GLMN: variants seen among roughly 807,000 people sequenced by gnomAD.
GLMN encodes the protein glomulin.
A neutral mutation model predicts 87.8 loss-of-function variants in GLMN; 75 were observed. The ratio of observed to expected loss-of-function variants is 0.85; its 90% CI spans 0.71 to 1.04. The LOEUF (loss-of-function observed/expected upper bound fraction) is 1.04, where lower values mean the gene tolerates loss of function less well. GLMN is among the 50% of genes least tolerant of loss of function. The pLI is 0.00. For synonymous variants in GLMN, 206 were observed against 221.6 expected, an observed-to-expected ratio of 0.93 and a Z score of 0.63; for missense variants, 588 against 658.8, an observed-to-expected ratio of 0.89 and a Z score of 1.18.
In GLMN at chr1:92,286,510, A is replaced by C; in HGVS notation, c.715T>G (p.Tyr239Asp). ...CTTACTATTATTTCTGATGCAAAAT[A>C]CCTGAAAGGATCATTTCCACCTTCT... ...SEEGGNDPFR[Y>D]FASEIIGFLS... is the part of the protein sequence containing the mutation. Residue 239 changes from tyrosine (Y) to aspartate (D), a missense_variant, in exon 7 of 19, where the codon TAT becomes GAT. Tyr to Asp is a radical substitution (Grantham distance 160). Coordinates refer to ENST00000370360, the MANE Select transcript of GLMN (RefSeq NM_053274.3). The C allele has an allele frequency of 6.4e-7, 1 of 1,560,114 alleles. No homozygotes were observed. Among genetic ancestry groups the C allele is most frequent in the Non-Finnish European group, 8.8e-7 (1 of 1,130,906 alleles).
intron 9 of GLMN, 123 bp downstream of exon 9, chr1:92,269,600 G>T: frequency 1.4e-6 from 1 of 727,438 alleles, no homozygotes; most frequent in Non-Finnish European, 2.5e-6. Context: ...TTGCCTCGCT[G>T]TTTTATAAAA....
At chr1:92,350,358 ATAAT>A in the GLMN span, among the ~76,000 whole-genome samples, 1 of 152,206 alleles carries the variant, frequency 6.6e-6, no homozygotes, top group East Asian at 1.9e-4. Flanking sequence ...TATAACAGTG[ATAAT>A]TGATTGACTT....
intron 9 of GLMN, 23 bp from the exon 10 acceptor site, chr1:92,268,158 A>G: frequency 8.1e-7 from 1 of 1,229,150 alleles, no homozygotes; most frequent in South Asian, 1.2e-5. Context: ...ATTAAAATTT[A>G]TCATGAATTT....
chr1:92,316,791 A>G, the GLMN span, among the ~76,000 whole-genome samples: 3 of 152,204 alleles, frequency 2.0e-5, no homozygotes, highest in African/African-American at 7.2e-5. Flanking sequence ...AGAAAGAGCA[A>G]TGTAACTTGG....
chr1:92,298,950 C>T lies in GLMN; in HGVS notation c.-56G>A. 2 of 493,302 alleles carry T rather than the reference C, an allele frequency of 4.1e-6. No individual in the cohort carries two copies. The highest frequency in any genetic ancestry group is 3.9e-5 in the Admixed American group (1 of 25,848). 30.6% of individuals were successfully genotyped at this position (493,302 alleles called of 1,614,324 possible). A position where few individuals can be genotyped will look rare whatever the true frequency, so the allele number is the denominator to read the frequency against. On this transcript the variant is annotated 5_prime_UTR_variant, in exon 1 of 19. Coordinates refer to ENST00000370360, the MANE Select transcript of GLMN (RefSeq NM_053274.3). ...CGGCCAGAACCCTCGCCTCTCCCAGCCGCCGCCACCTCCTCCGGCGTCTTA... is the reference window on the plus strand; with the variant it reads ...CGGCCAGAACCCTCGCCTCTCCCAGTCGCCGCCACCTCCTCCGGCGTCTTA...
the GLMN span, among the ~76,000 whole-genome samples, chr1:92,305,432 C>CAAAAAAAAAAAAA: frequency 2.2e-3 from 115 of 52,670 alleles, 16 homozygotes; most frequent in African/African-American, 0.011. Context: ...GGCTCCGTCT[C>CAAAAAAAAAAAAA]AAAAAAAAAA....
the GLMN span, among the ~76,000 whole-genome samples, chr1:92,367,673 T>C: frequency 1.3e-5 from 2 of 152,206 alleles, no homozygotes; most frequent in Non-Finnish European, 2.9e-5. Context: ...TCAAATCTGA[T>C]AGGTACAGAA....
chr1:92,353,944 G>T, the GLMN span, among the ~76,000 whole-genome samples: 2 of 152,046 alleles, frequency 1.3e-5, no homozygotes, highest in African/African-American at 4.8e-5. Context: ...TATATCTTTG[G>T]CAGTTTTATA....
chr1:92,264,069 A>C (rs1655335255), intron 14 of GLMN, among the ~76,000 whole-genome samples: 1 of 152,202 alleles, frequency 6.6e-6, no homozygotes. Context: ...TAATCCCAGC[A>C]TTTTGGGAGG....
At chr1:92,281,366 C>G (rs529398566) in intron 7 of GLMN, among the ~76,000 whole-genome samples, 1 of 152,182 alleles carries the variant, frequency 6.6e-6, no homozygotes, top group Admixed American at 6.5e-5. Context: ...TCCAGCCAAA[C>G]TAAGCTGCAT....
intron 3 of GLMN, among the ~76,000 whole-genome samples, chr1:92,296,609 CAGAG>C (rs1650086877): frequency 6.6e-6 from 1 of 152,154 alleles, no homozygotes; most frequent in Non-Finnish European, 1.5e-5. Context: ...GGTGGGGACA[CAGAG>C]CCAAACCATA....
the GLMN span, among the ~76,000 whole-genome samples, chr1:92,306,828 GAAGT>G: frequency 6.6e-6 from 1 of 152,062 alleles, no homozygotes; most frequent in African/African-American, 2.4e-5. Context: ...ATAAGTGAAT[GAAGT>G]AAGATAAGAA....
chr1:92,261,489 A>ATGAT (rs138268980), intron 16 of GLMN, among the ~76,000 whole-genome samples: 2,510 of 152,222 alleles, frequency 0.016, 86 homozygotes, highest in African/African-American at 0.057. Flanking sequence ...TGAAGAATGA[A>ATGAT]TGATATACAG....
At chr1:92,268,543 T>C (rs1655899989) in intron 9 of GLMN, among the ~76,000 whole-genome samples, 1 of 152,224 alleles carries the variant, frequency 6.6e-6, no homozygotes, top group South Asian at 2.1e-4. Flanking sequence ...GGACTTAGAT[T>C]CAAAACAATA....
upstream of GLMN, chr1:92,300,216 G>T: frequency 6.2e-7 from 1 of 1,610,166 alleles, no homozygotes; most frequent in Non-Finnish European, 8.5e-7. Flanking sequence ...CAAGTACTTT[G>T]AAACAAGAAG....
the GLMN span, among the ~76,000 whole-genome samples, chr1:92,337,221 A>G: frequency 1.1e-4 from 16 of 152,148 alleles, no homozygotes; most frequent in African/African-American, 3.4e-4. Context: ...ATTATAGTCT[A>G]TTGTTGTCAA....
chr1:92,358,181 CTT>C, the GLMN span, among the ~76,000 whole-genome samples: 1 of 152,200 alleles, frequency 6.6e-6, no homozygotes, highest in Non-Finnish European at 1.5e-5. Context: ...TAAAGAAAAA[CTT>C]TTTATTGTGG....
the GLMN span, among the ~76,000 whole-genome samples, chr1:92,369,126 A>ATCTT: frequency 1.3e-5 from 2 of 152,178 alleles, no homozygotes; most frequent in African/African-American, 4.8e-5. Flanking sequence ...TTCAACAGAA[A>ATCTT]TCTTTTGTTT....
intron 7 of GLMN, among the ~76,000 whole-genome samples, chr1:92,284,764 C>G (rs1570951727): frequency 6.6e-6 from 1 of 151,362 alleles, no homozygotes; most frequent in Non-Finnish European, 1.5e-5. Context: ...AGAACTTAAA[C>G]AAATTTACAA....
Sources: gnomAD v4.1 joint callset for allele counts (sites outside exome capture counted in the v4.1 genomes callset) on GRCh38, gnomAD v4.1.1 for gene constraint, MANE v1.5 for transcripts, NCBI Gene and HGNC (gene_info 2026-07-23, HGNC 2026-07-21) for gene names.